The following ZBTB38 variants were observed in gnomAD, a reference collection of about 807,000 sequenced individuals.
The protein encoded by ZBTB38 is zinc finger and BTB domain containing 38.
ZBTB38 carries 20 observed loss-of-function variants against 76.8 expected under a neutral mutation model. The ratio of observed to expected loss-of-function variants is 0.26; its 90% confidence interval spans 0.18 to 0.38. The LOEUF (loss-of-function observed/expected upper bound fraction) is 0.38. Ranked by LOEUF, ZBTB38 falls within the 10% of genes least tolerant of loss-of-function variation. The pLI is 1.00. For synonymous variants in ZBTB38, 504 were observed against 544.2 expected (o/e 0.93, Z 1.03); for missense variants, 1,082 against 1,482.3 (o/e 0.73, Z 4.43).
chr3:141,368,064 C>T (rs1944039952), upstream of ZBTB38, among the ~76,000 whole-genome samples: 3 of 152,200 alleles, frequency 2.0e-5, no homozygotes, highest in South Asian at 4.1e-4. Context: ...AAGTGCCTTC[C>T]ACCTTTCCGC....
chr3:141,447,310 A>G lies in ZBTB38; in HGVS notation c.*1334A>G, dbSNP rs1441366909. The G allele has an allele frequency of 6.6e-6, 1 of 152,618 alleles. No individual in the cohort carries two copies. The highest frequency in any genetic ancestry group is 1.9e-4 in the East Asian group (1 of 5,194). 9.5% of individuals were successfully genotyped at this position (152,618 alleles called of 1,614,324 possible). The stretch of plus-strand genomic sequence containing the variant: ...AGTGACATGGTTCTATCCTTTACTT[A>G]TGAGACTCAGAAATATATCTACAAA... On this transcript the variant is annotated 3_prime_UTR_variant, in exon 6 of 6. Coordinates refer to ENST00000321464, the MANE Select transcript of ZBTB38 (RefSeq NM_001376113.1).
rs548516388 is a variant in ZBTB38, at chr3:141,440,818, G to A, written c.1-1571G>A. Among the ~76,000 whole-genome samples, 322 of 151,980 alleles carry A rather than the reference G, an allele frequency of 2.1e-3. 1 individual carries two copies. Among genetic ancestry groups the A allele is most frequent in the Non-Finnish European group, 2.9e-3 (198 of 67,960 alleles). On this transcript the variant is annotated intron_variant, in intron 5 of 5. Transcript: ENST00000321464. ...TGGGAGGCTGAGGCGGGCAGATCACGAGGTCAAGAGATCGAGACCATCCTG... is the reference window on the plus strand; with the variant it reads ...TGGGAGGCTGAGGCGGGCAGATCACAAGGTCAAGAGATCGAGACCATCCTG...
chr3:141,415,320 T>C (rs561876161), intron 5 of ZBTB38, among the ~76,000 whole-genome samples: 29 of 152,304 alleles, frequency 1.9e-4, no homozygotes, highest in Admixed American at 5.2e-4. Flanking sequence ...GCTTATGCTG[T>C]GTGGGCTGGA....
chr3:141,426,481 G>A (rs2076413324), intron 5 of ZBTB38, among the ~76,000 whole-genome samples: 2 of 152,168 alleles, frequency 1.3e-5, no homozygotes, highest in Non-Finnish European at 1.5e-5. Context: ...GCAGGCCACA[G>A]ACCCAGCACC....
intron 1 of ZBTB38, among the ~76,000 whole-genome samples, chr3:141,345,197 A>C (rs763515571): frequency 3.3e-5 from 5 of 152,060 alleles, no homozygotes; most frequent in African/African-American, 4.8e-5. Flanking sequence ...CTCCAGATAG[A>C]TGTATGGCTT....
chr3:141,337,327 A>C (rs569509390), intron 1 of ZBTB38, among the ~76,000 whole-genome samples: 1 of 152,338 alleles, frequency 6.6e-6, no homozygotes, highest in African/African-American at 2.4e-5. Flanking sequence ...TAATGACTGC[A>C]CAGCATTTTA....
At chr3:141,398,044 A>G (rs1259101794) in intron 4 of ZBTB38, among the ~76,000 whole-genome samples, 2 of 152,370 alleles carry the variant, frequency 1.3e-5, no homozygotes, top group Non-Finnish European at 2.9e-5. Flanking sequence ...AGTGGAGTGC[A>G]ATAAAACGAG....
intron 4 of ZBTB38, among the ~76,000 whole-genome samples, chr3:141,392,378 T>C (rs1427464137): frequency 6.6e-6 from 1 of 152,194 alleles, no homozygotes; most frequent in Non-Finnish European, 1.5e-5. Flanking sequence ...CCAAGCAGAA[T>C]GAAATATGAC....
At chr3:141,429,808 G>A (rs143646269) in intron 5 of ZBTB38, among the ~76,000 whole-genome samples, 1,937 of 152,352 alleles carry the variant, frequency 0.013, 28 homozygotes, top group Admixed American at 0.039. Context: ...TGCCGGAACC[G>A]TGTGCATCAA....
chr3:141,362,991 A>G (rs1943863606), intron 1 of ZBTB38, among the ~76,000 whole-genome samples: 1 of 152,010 alleles, frequency 6.6e-6, no homozygotes, highest in Admixed American at 6.6e-5. Context: ...TGGTATTAGT[A>G]TTTCCTTTTT....
chr3:141,337,663 C>T (rs1217964108), intron 1 of ZBTB38, among the ~76,000 whole-genome samples: 5 of 152,162 alleles, frequency 3.3e-5, no homozygotes, highest in Non-Finnish European at 5.9e-5. Context: ...GTTTGATGAT[C>T]CCCTTTGTCC....
intron 1 of ZBTB38, among the ~76,000 whole-genome samples, chr3:141,342,673 A>G (rs917769638): frequency 2.0e-5 from 3 of 151,558 alleles, no homozygotes; most frequent in Admixed American, 6.6e-5. Context: ...CCCTCGTGCA[A>G]GAAGTTTAGC....
At chr3:141,367,497 G>C (rs1172631533), upstream of ZBTB38, 4 of 152,286 alleles carry the variant, frequency 2.6e-5, no homozygotes, top group Non-Finnish European at 5.9e-5. Context: ...TTCCTTGTAG[G>C]ATGTGGTTTC....
intron 1 of ZBTB38, among the ~76,000 whole-genome samples, chr3:141,332,074 G>A (rs1184092949): frequency 6.6e-6 from 1 of 152,156 alleles, no homozygotes; most frequent in African/African-American, 2.4e-5. Flanking sequence ...GCAGATCCAC[G>A]TCAAACACCA....
intron 1 of ZBTB38, among the ~76,000 whole-genome samples, chr3:141,332,887 C>T (rs890532338): frequency 2.0e-5 from 3 of 152,074 alleles, no homozygotes; most frequent in Admixed American, 1.3e-4. Flanking sequence ...AATTCATACC[C>T]GACATTCAGT....
Position 141,442,646 on chromosome 3 carries a change from A to T in ZBTB38, c.258A>T (p.Glu86Asp). ...ATCTCAAAGCTGAAGTGTTTACTGA[A>T]ATACTTAATTATATCTACAGTTCCA... ...LDDLKAEVFT[E>D]ILNYIYSSTV... is the part of the protein sequence containing the mutation. Residue 86 changes from glutamate (E) to aspartate (D), a missense_variant, in exon 6 of 6, where the codon GAA becomes GAT. Glu to Asp is a conservative substitution (Grantham distance 45). This residue lies in a region of ZBTB38 where 68 missense variants were observed against 153.0 expected (regional missense o/e 0.44). Transcript: ENST00000321464. This position sits in a 1 kb window ranked among gnomAD's most constrained non-coding sequence, Gnocchi z 6.4. The T allele has an allele frequency of 6.2e-7, 1 of 1,614,220 alleles. No homozygotes were observed. Among genetic ancestry groups the T allele is most frequent in the East Asian group, 2.2e-5 (1 of 44,892 alleles).
At chr3:141,355,368 G>A (rs1943629151) in intron 1 of ZBTB38, among the ~76,000 whole-genome samples, 1 of 152,090 alleles carries the variant, frequency 6.6e-6, no homozygotes, top group African/African-American at 2.4e-5. Flanking sequence ...GGCATGTACA[G>A]GAGCCCTAGT....
At chr3:141,377,919 C>T (rs1945620641) in intron 2 of ZBTB38, among the ~76,000 whole-genome samples, 1 of 152,158 alleles carries the variant, frequency 6.6e-6, no homozygotes, top group African/African-American at 2.4e-5. Flanking sequence ...TGCACGGTGG[C>T]TCATGCTTGT....
intron 5 of ZBTB38, among the ~76,000 whole-genome samples, chr3:141,436,116 T>C (rs2078723534): frequency 6.6e-6 from 1 of 152,230 alleles, no homozygotes; most frequent in African/African-American, 2.4e-5. Flanking sequence ...TTTAAGTTAC[T>C]CTTTATGAAG....
Sources: gnomAD v4.1 joint callset for allele counts (sites outside exome capture counted in the v4.1 genomes callset) on GRCh38, gnomAD v4.1.1 for gene constraint, gnomAD v4.1.1 regional missense constraint, Gnocchi (gnomAD v3.1) non-coding constraint, MANE v1.5 for transcripts, NCBI Gene and HGNC (gene_info 2026-07-23, HGNC 2026-07-21) for gene names.